The following CLHC1 variants were observed in gnomAD, a reference collection of about 807,000 sequenced individuals.
CLHC1 encodes the protein clathrin heavy chain linker domain containing 1, also known as clathrin heavy chain linker domain-containing protein 1.
In CLHC1, 72 loss-of-function variants were observed where a neutral mutation model predicts 69.5. That is an observed-to-expected ratio of 1.04 (90% CI 0.86 to 1.26). CLHC1 has a LOEUF of 1.26. Ranked by LOEUF, CLHC1 falls within the 50% of genes most tolerant of loss-of-function variation. The pLI is 0.00. For missense variants in CLHC1, 790 were observed against 679.3 expected (o/e 1.16, Z -1.81); for synonymous variants, 223 against 224.3 (o/e 0.99, Z 0.05).
chr2:55,195,973 C>G (rs1167887867), intron 9 of CLHC1, among the ~76,000 whole-genome samples: 1 of 152,170 alleles, frequency 6.6e-6, no homozygotes, highest in Non-Finnish European at 1.5e-5. Context: ...GCCAACTCAC[C>G]ACTCCCCCAT....
At position 55,222,492 on chromosome 2, in the gene CLHC1, G is replaced by T; in HGVS notation, c.-81C>A. The T allele has an allele frequency of 9.8e-7, 1 of 1,016,250 alleles. No homozygotes were observed. The highest frequency in any genetic ancestry group is 1.4e-6 in the Non-Finnish European group (1 of 696,824). The allele number at this position is 1,016,250 out of a possible 1,614,324, so 63.0% of individuals were successfully genotyped here. A position where few individuals can be genotyped will look rare whatever the true frequency, so the allele number is the denominator to read the frequency against. On this transcript the variant is annotated splice_region_variant and 5_prime_UTR_variant, in exon 3 of 13. Coordinates refer to ENST00000401408, the MANE Select transcript of CLHC1 (RefSeq NM_152385.4). ...TGCAACAAAGCCAAAACTTTGATAAGCCTGAAAGAAAAAAAGAGCATCAAT... is the reference window on the plus strand; with the variant it reads ...TGCAACAAAGCCAAAACTTTGATAATCCTGAAAGAAAAAAAGAGCATCAAT...
At chr2:55,216,782 C>G (rs989254271) in intron 4 of CLHC1, among the ~76,000 whole-genome samples, 5 of 152,108 alleles carry the variant, frequency 3.3e-5, no homozygotes. Context: ...CTTGGCCTCC[C>G]AAAGTGCTGG....
chr2:55,215,460 G>A (rs968998991), intron 4 of CLHC1, among the ~76,000 whole-genome samples: 2 of 152,106 alleles, frequency 1.3e-5, no homozygotes, highest in East Asian at 1.9e-4. Flanking sequence ...TGTATATATA[G>A]TTCAAGGAAT....
At chr2:55,231,779 T>G (rs1372549457) in intron 1 of CLHC1, 1 of 152,206 alleles carries the variant, frequency 6.6e-6, no homozygotes, top group Admixed American at 6.5e-5. Context: ...ATGCCCAAAT[T>G]TGGAAATTCT....
intron 2 of CLHC1, chr2:55,225,152 G>C (rs970178671): frequency 3.2e-4 from 49 of 152,886 alleles, no homozygotes; most frequent in Non-Finnish European, 1.2e-4. Context: ...TGACTAAGAG[G>C]GATGACCTCC....
rs146437109 is a variant in CLHC1 at position 55,221,292 on chromosome 2, G to A, written c.177+943C>T. ...GGGGATGGGGTGGAAAAAAAAAGCT[G>A]CATAAATAAATTAGGATTGGTGGGC... On this transcript the variant is annotated intron_variant, in intron 3 of 12. Transcript: ENST00000401408. Among the ~76,000 whole-genome samples, 25 of 152,294 alleles carry A rather than the reference G, an allele frequency of 1.6e-4. No homozygotes were observed. The East Asian group carries it at 4.6e-3, about 28-fold the overall frequency.
chr2:55,175,680 G>T lies in CLHC1; in HGVS notation c.*110C>A, dbSNP rs1213890558. 3 of 665,168 alleles carry T rather than the reference G, an allele frequency of 4.5e-6. No individual in the cohort carries two copies. The highest frequency in any genetic ancestry group is 7.6e-6 in the Non-Finnish European group (3 of 396,406). 41.2% of individuals were successfully genotyped at this position (665,168 alleles called of 1,614,324 possible). A position where few individuals can be genotyped will look rare whatever the true frequency, so the allele number is the denominator to read the frequency against. On this transcript the variant is annotated 3_prime_UTR_variant, in exon 13 of 13. Transcript: ENST00000401408. ...TAACAAAAGTGTGATTTATTTCTGA[G>T]ATCTTCTTACTCTAGATTTATTTAT...
intron 11 of CLHC1, 23 bp downstream of exon 11, chr2:55,180,487 A>G: frequency 6.3e-7 from 1 of 1,578,910 alleles, no homozygotes; most frequent in Middle Eastern, 1.7e-4. Flanking sequence ...AAATGTATAC[A>G]AATGGCAGAC....
chr2:55,182,734 T>C (rs541864913), intron 9 of CLHC1, among the ~76,000 whole-genome samples: 1 of 152,270 alleles, frequency 6.6e-6, no homozygotes, highest in East Asian at 1.9e-4. Flanking sequence ...AATTCTACTT[T>C]CACAAGATTG....
At chr2:55,177,183 T>C (rs1383981128) in intron 12 of CLHC1, among the ~76,000 whole-genome samples, 2 of 152,190 alleles carry the variant, frequency 1.3e-5, no homozygotes, top group African/African-American at 4.8e-5. Flanking sequence ...TAATTAGTTA[T>C]TCTCTAATTC....
At chr2:55,194,248 G>T (rs1671190678) in intron 9 of CLHC1, among the ~76,000 whole-genome samples, 1 of 151,946 alleles carries the variant, frequency 6.6e-6, no homozygotes. Flanking sequence ...ATTTTGTGGA[G>T]TTTTTCCCAC....
At chr2:55,228,819 A>G (rs2104152604) in intron 1 of CLHC1, among the ~76,000 whole-genome samples, 1 of 152,302 alleles carries the variant, frequency 6.6e-6, no homozygotes, top group South Asian at 2.1e-4. Context: ...CCCTAATCTC[A>G]CAAAGGTTAC....
At chr2:55,217,585 A>ATATATATATAT (rs1673698055) in intron 4 of CLHC1, among the ~76,000 whole-genome samples, 1 of 129,500 alleles carries the variant, frequency 7.7e-6, no homozygotes, top group Non-Finnish European at 1.6e-5. Flanking sequence ...ATATATATAT[A>ATATATATATAT]CTAAGAGGTA....
At chr2:55,179,086 T>C (rs1669673023) in intron 11 of CLHC1, among the ~76,000 whole-genome samples, 5 of 151,852 alleles carry the variant, frequency 3.3e-5, no homozygotes, top group Admixed American at 3.3e-4. Flanking sequence ...ATCCCTAAAA[T>C]TTTTAAATTC....
intron 11 of CLHC1, among the ~76,000 whole-genome samples, chr2:55,178,119 T>C (rs1669580187): frequency 6.6e-6 from 1 of 152,206 alleles, no homozygotes; most frequent in Non-Finnish European, 1.5e-5. Context: ...ACTTACTCTT[T>C]TGGAACTCAG....
At chr2:55,189,172 G>A (rs1670688305) in intron 9 of CLHC1, among the ~76,000 whole-genome samples, 1 of 151,994 alleles carries the variant, frequency 6.6e-6, no homozygotes, top group Non-Finnish European at 1.5e-5. Context: ...ATACAAAGAA[G>A]TGTAGCCAAA....
In CLHC1 at chr2:55,210,958, T is replaced by G. The variant is rs140440135; in HGVS notation, c.500-1127A>C. Among the ~76,000 whole-genome samples the G allele has an allele frequency of 5.3e-5, 8 of 152,192 alleles. No homozygotes were observed. In the East Asian group the frequency reaches 1.4e-3, roughly 26 times the overall value. On this transcript the variant is annotated intron_variant, in intron 5 of 12. Transcript: ENST00000401408. ...ATCCTCTCACTTCAGCATTCCAAAG[T>G]GCTAGTATTACAGGCATGAGCCACT...
chr2:55,179,352 T>C (rs373474734), intron 11 of CLHC1, among the ~76,000 whole-genome samples: 8 of 151,820 alleles, frequency 5.3e-5, no homozygotes, highest in African/African-American at 1.5e-4. Context: ...ACCTACCTCA[T>C]AGAGTCAACA....
chr2:55,199,239 G>T (rs370373013), intron 9 of CLHC1, among the ~76,000 whole-genome samples: 1 of 131,802 alleles, frequency 7.6e-6, no homozygotes, highest in East Asian at 2.3e-4. Context: ...GGAGGTTGCA[G>T]TGAGCTGAGA....
Sources: allele counts gnomAD v4.1 joint callset (sites outside exome capture counted in the v4.1 genomes callset), GRCh38; gene constraint gnomAD v4.1.1; transcripts MANE v1.5; gene names NCBI Gene and HGNC (gene_info 2026-07-23, HGNC 2026-07-21).